LRRC4C: variants seen among roughly 807,000 people sequenced by gnomAD.
The protein encoded by LRRC4C is leucine rich repeat containing 4C.
In LRRC4C, 5 loss-of-function variants were observed where a neutral mutation model predicts 33.6. That is an observed-to-expected ratio of 0.15 (90% CI 0.08 to 0.31). The LOEUF is 0.31. LRRC4C is among the 10% of genes least tolerant of loss of function. The pLI, the probability that LRRC4C is intolerant of heterozygous loss-of-function variation, is 1.00. For missense variants in LRRC4C, 560 were observed against 796.7 expected (o/e 0.70, Z 3.58); for synonymous variants, 329 against 302.0 (o/e 1.09, Z -0.93).
intron 2 of LRRC4C, among the ~76,000 whole-genome samples, chr11:40,846,529 T>C (rs1953181850): frequency 6.6e-6 from 1 of 152,196 alleles, no homozygotes. Flanking sequence ...TCTGTTCCAC[T>C]GGTCTATATA....
chr11:40,612,488 G>A (rs1388512959), intron 3 of LRRC4C, among the ~76,000 whole-genome samples: 11 of 151,834 alleles, frequency 7.2e-5, no homozygotes, highest in Admixed American at 7.2e-4. Context: ...CATATAGTTA[G>A]CAAAAGTGTA....
chr11:40,263,979 A>G (rs1317614222), intron 4 of LRRC4C, among the ~76,000 whole-genome samples: 1 of 152,198 alleles, frequency 6.6e-6, no homozygotes, highest in African/African-American at 2.4e-5. Flanking sequence ...CTAAGAAAGC[A>G]TGGCTGAGTG....
intron 1 of LRRC4C, among the ~76,000 whole-genome samples, chr11:41,064,930 C>G (rs1267867523): frequency 6.6e-6 from 1 of 152,160 alleles, no homozygotes; most frequent in African/African-American, 2.4e-5. Context: ...AGAAGATTCC[C>G]TTGTGAGCCT....
chr11:41,232,856 G>A (rs1413783758), intron 1 of LRRC4C, among the ~76,000 whole-genome samples: 1 of 151,794 alleles, frequency 6.6e-6, no homozygotes, highest in Non-Finnish European at 1.5e-5. Flanking sequence ...TGAATTGGCT[G>A]CCTGTTCACA....
At chr11:40,446,891 G>A (rs1481642482) in intron 3 of LRRC4C, 5 of 152,178 alleles carry the variant, frequency 3.3e-5, no homozygotes, top group Non-Finnish European at 7.3e-5. Context: ...CTTGACACAT[G>A]GGGATAATGA....
At chr11:40,215,338 GCTGTTCAGTGCTCTCCACC>G (rs1863900954) in intron 5 of LRRC4C, among the ~76,000 whole-genome samples, 1 of 152,090 alleles carries the variant, frequency 6.6e-6, no homozygotes, top group Non-Finnish European at 1.5e-5. Context: ...TTTCCTGAAC[GCTGTTCAGTGCTCTCCACC>G]CTGTAACCTC....
At position 40,832,330 on chromosome 11, in the gene LRRC4C, A is replaced by G. The variant is rs529736058; in HGVS notation, c.-407+101305T>C. Among the ~76,000 whole-genome samples the G allele has an allele frequency of 3.3e-5, 5 of 152,316 alleles. No individual in the cohort carries two copies. In the South Asian group the frequency reaches 1.0e-3, roughly 32 times the overall value. On this transcript the variant is annotated intron_variant, in intron 2 of 6. Transcript: ENST00000528697. ...GTCATTATGTGGTGCATGCCTGTAT[A>G]AAAAATATGATAGGTTAATCATCTA...
At chr11:41,261,501 A>G (rs1330167447) in intron 1 of LRRC4C, among the ~76,000 whole-genome samples, 2 of 152,132 alleles carry the variant, frequency 1.3e-5, no homozygotes, top group African/African-American at 4.8e-5. Context: ...AAATTCCTCA[A>G]TCTTCTTCCC....
chr11:41,218,385 C>A (rs1254547852), intron 1 of LRRC4C, among the ~76,000 whole-genome samples: 4 of 152,148 alleles, frequency 2.6e-5, no homozygotes, highest in African/African-American at 9.7e-5. Context: ...ATTCTAGTTA[C>A]CTTTGATTCT....
chr11:40,809,644 T>G (rs1951402386), intron 2 of LRRC4C, among the ~76,000 whole-genome samples: 1 of 152,194 alleles, frequency 6.6e-6, no homozygotes, highest in African/African-American at 2.4e-5. Flanking sequence ...ATTGTTTGTT[T>G]CACTATTGAA....
intron 5 of LRRC4C, among the ~76,000 whole-genome samples, chr11:40,171,715 C>T (rs1026092707): frequency 3.3e-5 from 5 of 152,178 alleles, no homozygotes; most frequent in African/African-American, 1.2e-4. Context: ...CCCCCCCAAC[C>T]GATCTAATTT....
At chr11:40,801,330 T>C (rs1184658247) in intron 2 of LRRC4C, among the ~76,000 whole-genome samples, 1 of 152,160 alleles carries the variant, frequency 6.6e-6, no homozygotes, top group African/African-American at 2.4e-5. Flanking sequence ...TTCTAACCAA[T>C]ATTCAAGGCA....
At chr11:40,921,532 C>T (rs1032394569) in intron 2 of LRRC4C, among the ~76,000 whole-genome samples, 9 of 152,112 alleles carry the variant, frequency 5.9e-5, no homozygotes, top group African/African-American at 2.2e-4. Flanking sequence ...GTCCTCTTGA[C>T]ATCTTCAGTT....
intron 1 of LRRC4C, among the ~76,000 whole-genome samples, chr11:41,239,151 TAAAA>T (rs71466925): frequency 1.2e-4 from 14 of 112,732 alleles, no homozygotes; most frequent in African/African-American, 4.8e-4. Flanking sequence ...CCGTCTCTAC[TAAAA>T]AAAAAAAAAA....
intron 5 of LRRC4C, among the ~76,000 whole-genome samples, chr11:40,216,116 T>C (rs1863957806): frequency 6.6e-6 from 1 of 152,134 alleles, no homozygotes; most frequent in African/African-American, 2.4e-5. Flanking sequence ...AAAGAAATTC[T>C]CCTTGTTAAA....
At chr11:40,752,791 A>G (rs566146147) in intron 2 of LRRC4C, among the ~76,000 whole-genome samples, 1 of 152,308 alleles carries the variant, frequency 6.6e-6, no homozygotes, top group South Asian at 2.1e-4. Context: ...AAGGAAAATA[A>G]GTCGGTATGT....
At chr11:40,486,465 C>T (rs888807525) in intron 3 of LRRC4C, among the ~76,000 whole-genome samples, 9 of 151,972 alleles carry the variant, frequency 5.9e-5, no homozygotes, top group Non-Finnish European at 1.0e-4. Context: ...AAAGATCTAA[C>T]AAGTATGATG....
chr11:41,319,967 C>T (rs772715127), intron 1 of LRRC4C, among the ~76,000 whole-genome samples: 59 of 152,020 alleles, frequency 3.9e-4, no homozygotes, highest in Non-Finnish European at 4.3e-4. Context: ...GGAGTATATA[C>T]ATTTCAAATG....
intron 3 of LRRC4C, among the ~76,000 whole-genome samples, chr11:40,553,125 A>G (rs963825184): frequency 1.3e-5 from 2 of 152,060 alleles, no homozygotes; most frequent in Admixed American, 1.3e-4. Flanking sequence ...ACAAAAAATT[A>G]GCCCGGCGTA....
Sources: allele counts gnomAD v4.1 joint callset (sites outside exome capture counted in the v4.1 genomes callset), GRCh38; gene constraint gnomAD v4.1.1; transcripts MANE v1.5; gene names NCBI Gene and HGNC (gene_info 2026-07-23, HGNC 2026-07-21).